Variants in HECW1 observed in about 807,000 individuals in gnomAD.
The protein encoded by HECW1 is E3 ubiquitin-protein ligase HECW1.
Under a neutral mutation model 182.3 loss-of-function variants are expected in HECW1, and 61 were observed. The observed-to-expected ratio is 0.33, with a 90% confidence interval of 0.27 to 0.41. The LOEUF (loss-of-function observed/expected upper bound fraction) is 0.41. Among genes scored for constraint, HECW1 ranks in the 10% least tolerant of loss-of-function variants. The probability of loss-of-function intolerance (pLI) is 1.00; values close to 1 mark genes in which losing one functional copy is unlikely to be tolerated. For synonymous variants in HECW1, 859 were observed against 832.6 expected (o/e 1.03, Z -0.55); for missense variants, 1,739 against 2,108.9 (o/e 0.82, Z 3.44).
At chr7:43,528,231 G>T (rs1300456587) in intron 24 of HECW1, among the ~76,000 whole-genome samples, 1 of 152,116 alleles carries the variant, frequency 6.6e-6, no homozygotes, top group Non-Finnish European at 1.5e-5. Context: ...AAGAATATTT[G>T]GAAGCTAAGG....
In HECW1 at chr7:43,434,718, G is replaced by A. The variant is rs182842143; in HGVS notation, c.802-3285G>A. On this transcript the variant is annotated intron_variant, in intron 8 of 29. Coordinates refer to ENST00000395891, the MANE Select transcript of HECW1 (RefSeq NM_015052.5). ...CTGGTGGGGAGAGAGGTTGATGTCT[G>A]GGATGAAGGGATGGGTGTGTGAAGA... is the stretch of plus-strand genomic sequence containing the variant. 6.3e-3 allele frequency among the ~76,000 whole-genome samples: 961 copies of A among 152,284 alleles called. 10 individuals are homozygous for A. Among genetic ancestry groups the A allele is most frequent in the Admixed American group, 0.01 (160 of 15,290 alleles).
intron 2 of HECW1, among the ~76,000 whole-genome samples, chr7:43,191,412 A>G (rs955546193): frequency 2.6e-5 from 4 of 152,238 alleles, no homozygotes; most frequent in African/African-American, 9.6e-5. Context: ...TGGACAAAAC[A>G]CATGCAGAGC....
intron 2 of HECW1, among the ~76,000 whole-genome samples, chr7:43,177,063 G>T (rs72585558): frequency 4.5e-4 from 69 of 152,222 alleles, no homozygotes; most frequent in African/African-American, 1.6e-3. Context: ...TAGAGTTTCA[G>T]GGTTGAAAAT....
intron 2 of HECW1, among the ~76,000 whole-genome samples, chr7:43,146,902 AG>A: frequency 6.6e-6 from 1 of 152,236 alleles, no homozygotes; most frequent in East Asian, 1.9e-4. Context: ...GGACTTGAGT[AG>A]GTGGTGAAGA....
At chr7:43,541,317 C>A in intron 25 of HECW1, 56 bp downstream of exon 25, 1 of 1,331,076 alleles carries the variant, frequency 7.5e-7, no homozygotes, top group Admixed American at 1.7e-5. Flanking sequence ...GGCAAGGACA[C>A]CGACCTCTCT....
intron 24 of HECW1, among the ~76,000 whole-genome samples, chr7:43,532,512 T>G (rs1322233361): frequency 6.6e-6 from 1 of 152,200 alleles, no homozygotes; most frequent in Non-Finnish European, 1.5e-5. Context: ...ATCTATCCCC[T>G]GGGTGCCTCT....
At position 43,115,132 on chromosome 7, in the gene HECW1, A is replaced by G. The variant is rs1784938216; in HGVS notation, c.-32+741A>G. 2.0e-5 allele frequency among the ~76,000 whole-genome samples: 3 copies of G among 152,146 alleles called. No homozygotes were observed. In the South Asian group the frequency reaches 6.2e-4, roughly 32 times the overall value. Reference sequence around the variant, plus strand: ...TTCTGTGGTAACTGACAGAGGAGTAAGAAAAGTTACCCAGTGTTGGAAAGG... The same window carrying G: ...TTCTGTGGTAACTGACAGAGGAGTAGGAAAAGTTACCCAGTGTTGGAAAGG... On this transcript the variant is annotated intron_variant, in intron 2 of 29. Transcript: ENST00000395891.
At chr7:43,224,988 A>G (rs538579830) in intron 2 of HECW1, among the ~76,000 whole-genome samples, 5 of 152,290 alleles carry the variant, frequency 3.3e-5, no homozygotes, top group Admixed American at 6.5e-5. Context: ...TTCATCCTGC[A>G]GGCAACTCGG....
chr7:43,506,716 G>A (rs1304331208), intron 21 of HECW1, among the ~76,000 whole-genome samples: 1 of 152,142 alleles, frequency 6.6e-6, no homozygotes, highest in African/African-American at 2.4e-5. Context: ...GAGGTCAGGA[G>A]TTCCAGACCA....
chr7:43,172,407 T>C (rs2152668413), intron 2 of HECW1, among the ~76,000 whole-genome samples: 1 of 140,220 alleles, frequency 7.1e-6, no homozygotes, highest in East Asian at 2.1e-4. Context: ...TAAAAATCTC[T>C]AGAAATCCTA....
At chr7:43,194,362 C>T (rs976287002) in intron 2 of HECW1, 5 of 152,140 alleles carry the variant, frequency 3.3e-5, no homozygotes, top group African/African-American at 1.2e-4. Flanking sequence ...CCTTAAAAAT[C>T]TGGGATGCTC....
chr7:43,391,733 A>G (rs1336515403), intron 6 of HECW1, among the ~76,000 whole-genome samples: 1 of 152,216 alleles, frequency 6.6e-6, no homozygotes, highest in African/African-American at 2.4e-5. Flanking sequence ...AGTTAGAATG[A>G]CAGTCATATA....
At chr7:43,397,227 T>C (rs1241352062) in intron 7 of HECW1, among the ~76,000 whole-genome samples, 1 of 152,166 alleles carries the variant, frequency 6.6e-6, no homozygotes, top group Non-Finnish European at 1.5e-5. Flanking sequence ...TTCAACTCTT[T>C]GTCTAAACAA....
chr7:43,172,747 A>G (rs772597263), intron 2 of HECW1, among the ~76,000 whole-genome samples: 17 of 152,186 alleles, frequency 1.1e-4, no homozygotes, highest in Non-Finnish European at 1.9e-4. Context: ...TGCCCTCATT[A>G]TAAGAGGCTC....
chr7:43,453,144 G>A (rs955334347), intron 12 of HECW1, among the ~76,000 whole-genome samples: 1 of 152,174 alleles, frequency 6.6e-6, no homozygotes, highest in African/African-American at 2.4e-5. Context: ...GTTTTGAAAA[G>A]TTTGCCCAAG....
At position 43,114,325 on chromosome 7, in the gene HECW1, CG is replaced by C. The variant is rs1263796607; in HGVS notation, c.-97del. Reference sequence around the variant, plus strand: ...ACCCCGGCAGTGTTGTGGTCCAAGGCGTCTCAAAGCAGGTGGCCAGATCTGC... The same window carrying C: ...ACCCCGGCAGTGTTGTGGTCCAAGGCTCTCAAAGCAGGTGGCCAGATCTGC... On this transcript the variant is annotated 5_prime_UTR_variant, in exon 2 of 30. An upstream open reading frame in the 5' UTR gains an earlier in-frame stop. Coordinates refer to ENST00000395891, the MANE Select transcript of HECW1 (RefSeq NM_015052.5). The C allele has an allele frequency of 7.3e-7, 1 of 1,360,664 alleles. No homozygotes were observed. Among genetic ancestry groups the C allele is most frequent in the Non-Finnish European group, 9.7e-7 (1 of 1,032,494 alleles). 84.3% of individuals were successfully genotyped at this position (1,360,664 alleles called of 1,614,324 possible). A position where few individuals can be genotyped will look rare whatever the true frequency, so the allele number is the denominator to read the frequency against.
chr7:43,268,660 C>T (rs1038048064), intron 3 of HECW1, among the ~76,000 whole-genome samples: 18 of 152,248 alleles, frequency 1.2e-4, no homozygotes, highest in African/African-American at 4.1e-4. Flanking sequence ...TCCTGAGAGT[C>T]AGATCCACAT....
chr7:43,376,426 T>C (rs902691567), intron 6 of HECW1, among the ~76,000 whole-genome samples: 1 of 152,134 alleles, frequency 6.6e-6, no homozygotes, highest in African/African-American at 2.4e-5. Context: ...GCTATGTGGA[T>C]TCTCCAGGCC....
At chr7:43,447,703 G>C (rs1438400098) in intron 11 of HECW1, among the ~76,000 whole-genome samples, 1 of 152,240 alleles carries the variant, frequency 6.6e-6, no homozygotes, top group Non-Finnish European at 1.5e-5. Context: ...AACAGCAGAT[G>C]CTTCAAGAAA....
Sources: gnomAD v4.1 joint callset for allele counts (sites outside exome capture counted in the v4.1 genomes callset) on GRCh38, gnomAD v4.1.1 for gene constraint, MANE v1.5 for transcripts, NCBI Gene and HGNC (gene_info 2026-07-23, HGNC 2026-07-21) for gene names.